The following KLHL7 variants were observed in gnomAD, a reference collection of about 807,000 sequenced individuals.
KLHL7 encodes kelch-like protein 7.
A neutral mutation model predicts 67.4 loss-of-function variants in KLHL7; 44 were observed. That is an observed-to-expected ratio of 0.65 (90% CI 0.51 to 0.84). The LOEUF (loss-of-function observed/expected upper bound fraction) is 0.84. Ranked by LOEUF, KLHL7 falls within the 40% of genes least tolerant of loss-of-function variation. KLHL7 has a pLI of 0.00. For synonymous variants in KLHL7, 252 were observed against 243.3 expected (o/e 1.04, Z -0.33); for missense variants, 362 against 718.1 (o/e 0.50, Z 5.67).
At chr7:23,129,534 A>G (rs1453942309) in intron 4 of KLHL7, 3 of 236,838 alleles carry the variant, frequency 1.3e-5, no homozygotes, top group Non-Finnish European at 2.5e-5. Context: ...GGTCATTTAA[A>G]CAACACTTCA....
At chr7:23,140,390 TA>T (rs1196136842) in intron 4 of KLHL7, among the ~76,000 whole-genome samples, 6 of 151,924 alleles carry the variant, frequency 3.9e-5, no homozygotes, top group South Asian at 2.1e-4. Context: ...CCGTCTCTAC[TA>T]AAAAATACAA....
At chr7:23,144,934 C>CTAAAA (rs1784308358) in intron 6 of KLHL7, among the ~76,000 whole-genome samples, 1 of 140,080 alleles carries the variant, frequency 7.1e-6, no homozygotes, top group Non-Finnish European at 1.6e-5. Context: ...TCCAACTCTC[C>CTAAAA]AAAAAAAAAA....
intron 6 of KLHL7, among the ~76,000 whole-genome samples, chr7:23,147,731 A>G (rs1203090802): frequency 2.6e-5 from 4 of 152,288 alleles, no homozygotes; most frequent in South Asian, 4.1e-4. Flanking sequence ...GGGCACAACA[A>G]TCCAGGACTA....
chr7:23,175,171 T>G lies in KLHL7; in HGVS notation c.*873T>G. Reference sequence around the variant, plus strand: ...ACTTTGAACTTCTTTAACGAGATCATGAATTCTTTTCCCTTAGCCAAAACA... The same window carrying G: ...ACTTTGAACTTCTTTAACGAGATCAGGAATTCTTTTCCCTTAGCCAAAACA... On this transcript the variant is annotated 3_prime_UTR_variant, in exon 11 of 11. Coordinates refer to ENST00000339077, the MANE Select transcript of KLHL7 (RefSeq NM_001031710.3). 2.2e-6 allele frequency: 1 copy of G among 454,124 alleles called. No individual in the cohort carries two copies. Among genetic ancestry groups the G allele is most frequent in the South Asian group, 1.6e-5 (1 of 64,478 alleles). The allele number at this position is 454,124 out of a possible 1,614,324, so 28.1% of individuals were successfully genotyped here. A position where few individuals can be genotyped will look rare whatever the true frequency, so the allele number is the denominator to read the frequency against.
rs73086124 is a variant in KLHL7, at chr7:23,128,204, A to G, written c.442+3032A>G. On this transcript the variant is annotated intron_variant, in intron 4 of 10. Transcript: ENST00000339077. ...TGGTTTTACAGTTTTTTGACATTCAATTGAATTGAAAAATAGAATCGATAC... is the reference window on the plus strand; with the variant it reads ...TGGTTTTACAGTTTTTTGACATTCAGTTGAATTGAAAAATAGAATCGATAC... Among the ~76,000 whole-genome samples the G allele has an allele frequency of 8.2e-3, 1,253 of 152,118 alleles. 10 individuals carry two copies. The highest frequency in any genetic ancestry group is 0.017 in the Middle Eastern group (5 of 292).
chr7:23,140,372 G>A (rs1784133972), intron 4 of KLHL7, among the ~76,000 whole-genome samples: 1 of 152,140 alleles, frequency 6.6e-6, no homozygotes. Flanking sequence ...GGCTAACACG[G>A]TGAAACCCCG....
intron 4 of KLHL7, among the ~76,000 whole-genome samples, chr7:23,128,954 A>G (rs552896795): frequency 1.3e-5 from 2 of 152,222 alleles, no homozygotes; most frequent in Non-Finnish European, 2.9e-5. Flanking sequence ...ATTCCATTGC[A>G]TGGATATACC....
At chr7:23,159,790 A>G (rs1784809542) in intron 7 of KLHL7, among the ~76,000 whole-genome samples, 1 of 152,186 alleles carries the variant, frequency 6.6e-6, no homozygotes, top group South Asian at 2.1e-4. Context: ...TCAACCTCCC[A>G]AAGTGCTAGG....
chr7:23,159,348 G>A (rs535893224), intron 7 of KLHL7, among the ~76,000 whole-genome samples: 1 of 151,968 alleles, frequency 6.6e-6, no homozygotes. Context: ...AAATTTTTTT[G>A]TGTGGAGACA....
chr7:23,124,016 G>A, intron 2 of KLHL7, 137 bp downstream of exon 2: 1 of 681,784 alleles, frequency 1.5e-6, no homozygotes, highest in Non-Finnish European at 2.6e-6. Context: ...GATTGAAAAA[G>A]TAGTCAGCTG....
chr7:23,171,989 G>A (rs1295187560), intron 9 of KLHL7, among the ~76,000 whole-genome samples: 2 of 152,174 alleles, frequency 1.3e-5, no homozygotes, highest in Admixed American at 6.5e-5. Context: ...GATTACAGGC[G>A]TGAACCACCG....
chr7:23,117,688 C>G, intron 1 of KLHL7: 1 of 769,392 alleles, frequency 1.3e-6, no homozygotes, highest in East Asian at 2.8e-5. Context: ...CTCTGCTTTT[C>G]TGACAAATGT....
chr7:23,153,373 A>C (rs1784600153), intron 7 of KLHL7, among the ~76,000 whole-genome samples: 1 of 152,160 alleles, frequency 6.6e-6, no homozygotes, highest in South Asian at 2.1e-4. Context: ...ATAGTGAATT[A>C]AGTGAAGGGC....
chr7:23,140,670 TTACTC>T, intron 4 of KLHL7, 94 bp from the exon 5 acceptor site: 1 of 943,274 alleles, frequency 1.1e-6, no homozygotes, highest in Non-Finnish European at 1.7e-6. Flanking sequence ...TTTATGAAAT[TTACTC>T]AACTAATTTT....
intron 4 of KLHL7, among the ~76,000 whole-genome samples, chr7:23,132,693 G>A (rs1467017179): frequency 6.6e-6 from 1 of 152,098 alleles, no homozygotes; most frequent in Non-Finnish European, 1.5e-5. Context: ...CTCTGCTTGT[G>A]GGGTATTGCT....
At chr7:23,142,683 A>G (rs1784228312) in intron 5 of KLHL7, among the ~76,000 whole-genome samples, 1 of 152,010 alleles carries the variant, frequency 6.6e-6, no homozygotes, top group Non-Finnish European at 1.5e-5. Context: ...CCTCAGTCTA[A>G]TAAGTAACAC....
chr7:23,125,245 G>A, intron 4 of KLHL7, 73 bp downstream of exon 4: 2 of 1,514,214 alleles, frequency 1.3e-6, no homozygotes, highest in South Asian at 2.3e-5. Context: ...TTTTTAAAAA[G>A]GCTGATTTTA....
chr7:23,133,686 A>C (rs956163888), intron 4 of KLHL7, among the ~76,000 whole-genome samples: 4 of 152,104 alleles, frequency 2.6e-5, no homozygotes, highest in Non-Finnish European at 4.4e-5. Context: ...CGCCCGCCTC[A>C]GCCTCCCAAA....
chr7:23,120,814 T>C (rs1277402660), intron 1 of KLHL7, among the ~76,000 whole-genome samples: 1 of 152,154 alleles, frequency 6.6e-6, no homozygotes, highest in Non-Finnish European at 1.5e-5. Context: ...AATTCTGCCT[T>C]AGCCTACCAA....
Sources: gnomAD v4.1 joint callset for allele counts (sites outside exome capture counted in the v4.1 genomes callset) on GRCh38, gnomAD v4.1.1 for gene constraint, MANE v1.5 for transcripts, NCBI Gene and HGNC (gene_info 2026-07-23, HGNC 2026-07-21) for gene names.